The following DLG5 variants were observed in gnomAD, a reference collection of about 807,000 sequenced individuals.
DLG5 encodes discs large MAGUK scaffold protein 5.
In DLG5, 48 loss-of-function variants were observed where a neutral mutation model predicts 189.8. The observed-to-expected ratio is 0.25, with a 90% CI of 0.20 to 0.32. DLG5 has a LOEUF of 0.32. Ranked by LOEUF, DLG5 falls within the 10% of genes least tolerant of loss-of-function variation. The pLI is 1.00. For synonymous variants in DLG5, 1,016 were observed against 1,054.1 expected, an observed-to-expected ratio of 0.96 and a Z score of 0.70; for missense variants, 2,160 against 2,544.7, an observed-to-expected ratio of 0.85 and a Z score of 3.25.
At chr10:77,939,529 C>T in the DLG5 span, among the ~76,000 whole-genome samples, 10 of 152,164 alleles carry the variant, frequency 6.6e-5, no homozygotes. Flanking sequence ...GTAGCCATTG[C>T]GGTACCACCA....
intron 27 of DLG5, among the ~76,000 whole-genome samples, chr10:77,799,159 G>A (rs1603641082): frequency 6.6e-6 from 1 of 152,168 alleles, no homozygotes; most frequent in East Asian, 1.9e-4. Context: ...ACTCCAACTG[G>A]AGAAGAAAAA....
At chr10:77,816,416 C>T in intron 20 of DLG5, 135 bp downstream of exon 20, 1 of 1,378,274 alleles carries the variant, frequency 7.3e-7, no homozygotes, top group Non-Finnish European at 1.0e-6. Flanking sequence ...TTACTGGTGA[C>T]ACCAGCAAAT....
chr10:77,830,339 ATCC>A lies in DLG5; in HGVS notation c.1884_1886del (p.Glu628del). ...CAAACCCCAGTGCCTTCAAGTCAAT[ATCC>A]TCCTGCAAAAACAGCAGCAACAGCA... On this transcript the variant is annotated inframe_deletion and splice_region_variant, in exon 11 of 32. Coordinates refer to ENST00000372391, the MANE Select transcript of DLG5 (RefSeq NM_004747.4). The A allele has an allele frequency of 6.2e-7, 1 of 1,614,162 alleles. No individual in the cohort carries two copies. Among genetic ancestry groups the A allele is most frequent in the Non-Finnish European group, 8.5e-7 (1 of 1,180,030 alleles).
intron 20 of DLG5, chr10:77,816,137 C>A (rs1288025166): frequency 2.1e-6 from 1 of 486,936 alleles, no homozygotes; most frequent in Non-Finnish European, 4.0e-6. Context: ...CACGTGGCCA[C>A]AGGTCTGTCA....
In DLG5 at chr10:77,812,220, G is replaced by A. The variant is rs764528696; in HGVS notation, c.4183C>T (p.Leu1395=). 1.9e-6 allele frequency: 3 copies of A among 1,613,102 alleles called. No homozygotes were observed. In the South Asian group the frequency reaches 3.3e-5, roughly 18 times the overall value. Residue 1395 remains leucine (L), a synonymous_variant, in exon 21 of 32, where the codon CTG becomes TTG. Coordinates refer to ENST00000372391, the MANE Select transcript of DLG5 (RefSeq NM_004747.4). ...QAGLEYGDQL[L]EFNGINLRSA... ...GGAGGGCAGCTCCCTCTCACCTCCA[G>A]TAACTGATCCCCATACTCGAGGCCA...
chr10:77,892,605 C>T (rs148263890), intron 1 of DLG5, among the ~76,000 whole-genome samples: 5 of 152,312 alleles, frequency 3.3e-5, no homozygotes, highest in East Asian at 1.9e-4. Flanking sequence ...TTGGACACTG[C>T]ACCTGTGTAC....
At chr10:77,825,387 C>T (rs1842578981) in intron 13 of DLG5, among the ~76,000 whole-genome samples, 1 of 146,370 alleles carries the variant, frequency 6.8e-6, no homozygotes, top group Non-Finnish European at 1.5e-5. Context: ...CACACACACA[C>T]ACACACACAC....
In DLG5 at chr10:77,811,120, G is replaced by C; in HGVS notation, c.4437C>G (p.Thr1479=). The change falls in exon 23 of 32, where the codon ACC becomes ACG. Residue 1479 remains threonine, a synonymous_variant. Coordinates refer to ENST00000372391, the MANE Select transcript of DLG5 (RefSeq NM_004747.4). ...PLMEQDEGPS[T]PPAKQSSSRI... is the part of the protein sequence containing the mutation. ...TGGAGCTGCTCTGCTTGGCTGGGGG[G>C]GTGCTAGGCCCCTCGTCCTGCTCCA... 1 of 1,612,192 alleles carries C rather than the reference G, an allele frequency of 6.2e-7. No homozygotes were observed. The highest frequency in any genetic ancestry group is 8.5e-7 in the Non-Finnish European group (1 of 1,179,976).
At position 77,796,805 on chromosome 10, in the gene DLG5, G is replaced by A. The variant is rs1388774445; in HGVS notation, c.5165-211C>T. On this transcript the variant is annotated intron_variant, in intron 27 of 31. Coordinates refer to ENST00000372391, the MANE Select transcript of DLG5 (RefSeq NM_004747.4). The surrounding 1 kb of genome is among the most constrained non-coding windows in gnomAD (Gnocchi z 5.2). ...CCCCCCATGCCCTCTGTGAACACCAGAGGCAGCTGGTCTCAACCACTCATC... is the reference window on the plus strand; with the variant it reads ...CCCCCCATGCCCTCTGTGAACACCAAAGGCAGCTGGTCTCAACCACTCATC... Among the ~76,000 whole-genome samples, 2 of 152,324 alleles carry A rather than the reference G, an allele frequency of 1.3e-5. No homozygotes were observed. The highest frequency in any genetic ancestry group is 4.1e-4 in the South Asian group (2 of 4,828).
At chr10:77,854,016 G>A (rs1268137840) in intron 4 of DLG5, among the ~76,000 whole-genome samples, 1 of 152,198 alleles carries the variant, frequency 6.6e-6, no homozygotes, top group Non-Finnish European at 1.5e-5. Context: ...CTCTGAAGCT[G>A]GCAATAAGAT....
intron 14 of DLG5, among the ~76,000 whole-genome samples, chr10:77,823,007 T>A (rs979783195): frequency 2.0e-5 from 3 of 152,212 alleles, no homozygotes; most frequent in African/African-American, 7.2e-5. Flanking sequence ...ATCACCTGCA[T>A]CAAAACTCAC....
At chr10:77,905,733 C>T (rs1211648426) in intron 1 of DLG5, among the ~76,000 whole-genome samples, 1 of 152,182 alleles carries the variant, frequency 6.6e-6, no homozygotes, top group Non-Finnish European at 1.5e-5. Context: ...TCAAAGACAG[C>T]ACTAGGATGG....
At chr10:77,835,211 C>T (rs1012215143) in intron 8 of DLG5, among the ~76,000 whole-genome samples, 1 of 152,156 alleles carries the variant, frequency 6.6e-6, no homozygotes, top group Admixed American at 6.5e-5. Flanking sequence ...CCCACTCATG[C>T]TTCCAGTTCT....
At chr10:77,889,136 G>C (rs1428053342) in intron 1 of DLG5, among the ~76,000 whole-genome samples, 16 of 139,604 alleles carry the variant, frequency 1.1e-4, no homozygotes, top group Non-Finnish European at 2.0e-4. Flanking sequence ...GGCCTCACAA[G>C]CCCACAGGTA....
intron 25 of DLG5, 40 bp downstream of exon 25, chr10:77,807,756 C>G: frequency 6.2e-7 from 1 of 1,602,854 alleles, no homozygotes; most frequent in Non-Finnish European, 8.5e-7. Context: ...AGCCTCTCCT[C>G]TGGTTCCAAA....
At chr10:77,834,260 C>G (rs1401739589) in intron 8 of DLG5, among the ~76,000 whole-genome samples, 2 of 152,102 alleles carry the variant, frequency 1.3e-5, no homozygotes, top group African/African-American at 2.4e-5. Flanking sequence ...AAGAGACACC[C>G]CCACAGTCAC....
intron 14 of DLG5, among the ~76,000 whole-genome samples, chr10:77,823,616 C>T (rs1290608558): frequency 2.6e-5 from 4 of 151,530 alleles, no homozygotes; most frequent in African/African-American, 4.9e-5. Context: ...CTGCAACCTC[C>T]GCCTCCTGGG....
At chr10:77,849,075 G>A (rs973076043) in intron 5 of DLG5, among the ~76,000 whole-genome samples, 64 of 152,312 alleles carry the variant, frequency 4.2e-4, no homozygotes, top group African/African-American at 1.5e-3. Flanking sequence ...CCAGGCAGAG[G>A]CCCTCCCCAG....
intron 8 of DLG5, among the ~76,000 whole-genome samples, chr10:77,834,726 C>T (rs1843042205): frequency 6.6e-6 from 1 of 152,084 alleles, no homozygotes; most frequent in South Asian, 2.1e-4. Flanking sequence ...CTCGAATCTC[C>T]CCCAGCCTCA....
Sources: gnomAD v4.1 joint callset for allele counts (sites outside exome capture counted in the v4.1 genomes callset) on GRCh38, gnomAD v4.1.1 for gene constraint, Gnocchi (gnomAD v3.1) non-coding constraint, MANE v1.5 for transcripts, NCBI Gene and HGNC (gene_info 2026-07-23, HGNC 2026-07-21) for gene names.